The following ASPH variants were observed in gnomAD, a reference collection of about 807,000 sequenced individuals.
ASPH encodes aspartyl/asparaginyl beta-hydroxylase.
In ASPH, 100 loss-of-function variants were observed where a neutral mutation model predicts 118.4. That is an observed-to-expected ratio of 0.84 (90% confidence interval 0.72 to 1.00). The LOEUF (loss-of-function observed/expected upper bound fraction) is 1.00. Among genes scored for constraint, ASPH ranks in the 50% least tolerant of loss-of-function variants. The pLI is 0.00. For missense variants in ASPH, 920 were observed against 919.5 expected (o/e 1.00, Z -0.01); for synonymous variants, 315 against 325.6 (o/e 0.97, Z 0.35).
chr8:61,570,323 TAAGAA>T (rs770612572), intron 16 of ASPH, among the ~76,000 whole-genome samples: 2 of 152,202 alleles, frequency 1.3e-5, no homozygotes, highest in African/African-American at 2.4e-5. Flanking sequence ...GAAAAATTGT[TAAGAA>T]AAGACATTGT....
intron 17 of ASPH, among the ~76,000 whole-genome samples, chr8:61,564,560 A>C (rs1336332463): frequency 6.6e-6 from 1 of 152,084 alleles, no homozygotes; most frequent in African/African-American, 2.4e-5. Context: ...TGGCTTCCCA[A>C]AGTGCTGGGA....
chr8:61,530,110 T>G (rs982863410), intron 21 of ASPH, among the ~76,000 whole-genome samples: 1 of 152,194 alleles, frequency 6.6e-6, no homozygotes, highest in African/African-American at 2.4e-5. Context: ...AATCCAGTTT[T>G]TAGGAAATTC....
chr8:61,614,885 T>G (rs1233855087), intron 14 of ASPH, among the ~76,000 whole-genome samples: 1 of 152,192 alleles, frequency 6.6e-6, no homozygotes, highest in Non-Finnish European at 1.5e-5. Context: ...TAACCAGCAC[T>G]CACCACTTCT....
intron 21 of ASPH, among the ~76,000 whole-genome samples, chr8:61,537,374 C>A (rs970564236): frequency 6.6e-6 from 1 of 152,180 alleles, no homozygotes; most frequent in African/African-American, 2.4e-5. Context: ...TGTGCATATG[C>A]ACATTTTTTC....
At chr8:61,624,179 C>A (rs959639727) in intron 13 of ASPH, 5 of 924,900 alleles carry the variant, frequency 5.4e-6, no homozygotes, top group Non-Finnish European at 6.5e-6. Flanking sequence ...ATCGAAATAT[C>A]TCATATAGTC....
chr8:61,676,059 A>G, intron 3 of ASPH: 3 of 1,598,820 alleles, frequency 1.9e-6, no homozygotes, highest in Non-Finnish European at 2.5e-6. Context: ...CAATGACTTC[A>G]GTCCCTGAAT....
chr8:61,681,461 A>G (rs1196596918), intron 2 of ASPH, among the ~76,000 whole-genome samples: 1 of 151,856 alleles, frequency 6.6e-6, no homozygotes, highest in Non-Finnish European at 1.5e-5. Flanking sequence ...TATCTGAACC[A>G]AAAGAAACAA....
rs1374256928 is a variant in ASPH at position 61,646,842 on chromosome 8, G to A, written c.527C>T (p.Thr176Ile). 3 of 1,613,844 alleles carry A rather than the reference G, an allele frequency of 1.9e-6. No homozygotes were observed. The highest frequency in any genetic ancestry group is 2.5e-6 in the Non-Finnish European group (3 of 1,179,892). Residue 176 changes from threonine (T) to isoleucine (I), a missense_variant, in exon 6 of 25, where the codon ACA (threonine) becomes ATA (isoleucine). Thr to Ile is a moderately conservative substitution (Grantham distance 89). Transcript: ENST00000379454. ...GEDLQQEDGP[T>I]GEPQQEDDEF... Reference sequence around the variant, plus strand: ...ATCATCCTCTTGTTGTGGTTCTCCTGTGGGTCCATCTTCTTGTTGCAAGTC... The same window carrying A: ...ATCATCCTCTTGTTGTGGTTCTCCTATGGGTCCATCTTCTTGTTGCAAGTC...
Position 61,501,571 on chromosome 8 carries a change from A to AATT in ASPH, c.*1785_*1787dup, listed in dbSNP as rs1586090986. On this transcript the variant is annotated 3_prime_UTR_variant, in exon 25 of 25. Transcript: ENST00000379454. ...CATGAATGTTACTACATGAACATTGAATTGTATTGCCCTTGTCAGTTATTT... is the reference window on the plus strand; with the variant it reads ...CATGAATGTTACTACATGAACATTGAATTATTGTATTGCCCTTGTCAGTTATTT... 1 of 152,184 alleles carries AATT rather than the reference A, an allele frequency of 6.6e-6. No homozygotes were observed. The highest frequency in any genetic ancestry group is 1.9e-4 in the East Asian group (1 of 5,202). The allele number at this position is 152,184 out of a possible 1,614,324, so 9.4% of individuals were successfully genotyped here.
chr8:61,539,955 A>G (rs185363731), intron 21 of ASPH, among the ~76,000 whole-genome samples: 1 of 151,972 alleles, frequency 6.6e-6, no homozygotes, highest in Non-Finnish European at 1.5e-5. Context: ...CATCTTTTCT[A>G]TTTTTACCCT....
At chr8:61,580,378 G>A (rs566376933) in intron 15 of ASPH, among the ~76,000 whole-genome samples, 2 of 152,288 alleles carry the variant, frequency 1.3e-5, no homozygotes, top group African/African-American at 4.8e-5. Flanking sequence ...TGGACATCCA[G>A]GCAATTCAAT....
rs1806022775 is a variant in ASPH, at chr8:61,643,047, G to C, written c.758-127C>G. 4.7e-6 allele frequency: 4 copies of C among 853,274 alleles called. No individual in the cohort carries two copies. The South Asian group carries it at 9.0e-5, about 19-fold the overall frequency. The allele number at this position is 853,274 out of a possible 1,614,324, so 52.9% of individuals were successfully genotyped here. On this transcript the variant is annotated intron_variant, in intron 9 of 24. Coordinates refer to ENST00000379454, the MANE Select transcript of ASPH (RefSeq NM_004318.4). ...TCTACTCCTTCAAATATTAATGTCT[G>C]CTCAGTCAATAATAAATGCCTCTGC...
chr8:61,523,695 A>C (rs1741637107), intron 22 of ASPH, among the ~76,000 whole-genome samples: 2 of 152,202 alleles, frequency 1.3e-5, no homozygotes, highest in Non-Finnish European at 2.9e-5. Context: ...TGGAATCACA[A>C]ACCAAAGACC....
At chr8:61,653,460 C>T in intron 4 of ASPH, 108 bp downstream of exon 4, 1 of 1,015,804 alleles carries the variant, frequency 9.8e-7, no homozygotes, top group Admixed American at 2.9e-5. Context: ...GTTAATTATT[C>T]TGTAAATGAT....
intron 1 of ASPH, among the ~76,000 whole-genome samples, chr8:61,687,030 G>A (rs770936627): frequency 1.3e-5 from 2 of 151,900 alleles, no homozygotes; most frequent in Non-Finnish European, 2.9e-5. Context: ...AGCCTATACT[G>A]CAGTGAGCTA....
In ASPH at chr8:61,680,907, C is replaced by G. The variant is rs1046247252; in HGVS notation, c.322+61G>C. 2.8e-6 allele frequency: 4 copies of G among 1,420,604 alleles called. No homozygotes were observed. In the African/African-American group the frequency reaches 5.8e-5, roughly 21 times the overall value. The allele number at this position is 1,420,604 out of a possible 1,614,324, so 88.0% of individuals were successfully genotyped here. ...ACTATTGAGATAGATATTATTAAAG[C>G]AAAAATAATTGTTTCCAGCATTTTA... On this transcript the variant is annotated intron_variant, in intron 3 of 24. Coordinates refer to ENST00000379454, the MANE Select transcript of ASPH (RefSeq NM_004318.4).
chr8:61,663,336 G>A (rs1817887308), intron 3 of ASPH: 5 of 985,362 alleles, frequency 5.1e-6, no homozygotes, highest in Non-Finnish European at 6.0e-6. Context: ...GGTCCCAGAT[G>A]TTCACCAGGC....
At chr8:61,579,538 G>T (rs1836702422) in intron 15 of ASPH, 1 of 1,547,680 alleles carries the variant, frequency 6.5e-7, no homozygotes, top group East Asian at 2.2e-5. Context: ...TACGGCCTGG[G>T]CTCCAGCTTT....
chr8:61,626,432 A>G (rs1009492262), intron 13 of ASPH: 168 of 1,172,084 alleles, frequency 1.4e-4, no homozygotes, highest in Non-Finnish European at 1.5e-4. Context: ...TAACAGAATA[A>G]TCAACTACCG....
Sources: gnomAD v4.1 joint callset for allele counts (sites outside exome capture counted in the v4.1 genomes callset) on GRCh38, gnomAD v4.1.1 for gene constraint, MANE v1.5 for transcripts, NCBI Gene and HGNC (gene_info 2026-07-23, HGNC 2026-07-21) for gene names.